Variants in CNTN5 observed in about 807,000 individuals in gnomAD.
CNTN5 encodes contactin-5.
In CNTN5, 77 loss-of-function variants were observed where a neutral mutation model predicts 129.1. That is an observed-to-expected ratio of 0.60 (90% CI 0.50 to 0.72). CNTN5 has a LOEUF of 0.72. Among genes scored for constraint, CNTN5 ranks in the 30% least tolerant of loss-of-function variants. The pLI is 0.00. For missense variants in CNTN5, 1,478 were observed against 1,328.8 expected (o/e 1.11, Z -1.75); for synonymous variants, 509 against 465.6 (o/e 1.09, Z -1.20).
At chr11:99,799,605 T>A (rs1946052405) in intron 3 of CNTN5, among the ~76,000 whole-genome samples, 1 of 151,658 alleles carries the variant, frequency 6.6e-6, no homozygotes, top group South Asian at 2.1e-4. Context: ...TACTTGATCA[T>A]GAAGAATTAA....
intron 1 of CNTN5, among the ~76,000 whole-genome samples, chr11:99,055,397 T>C (rs536059216): frequency 6.6e-5 from 10 of 152,088 alleles, no homozygotes; most frequent in Non-Finnish European, 1.2e-4. Flanking sequence ...ATTTCTCTAA[T>C]GTCAATGACC....
chr11:99,862,993 A>T (rs2135776974), intron 6 of CNTN5, among the ~76,000 whole-genome samples: 1 of 152,244 alleles, frequency 6.6e-6, no homozygotes, highest in Admixed American at 6.5e-5. Context: ...AAGTATAAAT[A>T]GCAATCTAGG....
At chr11:99,493,374 C>T (rs894390456) in intron 2 of CNTN5, among the ~76,000 whole-genome samples, 1 of 152,174 alleles carries the variant, frequency 6.6e-6, no homozygotes, top group Non-Finnish European at 1.5e-5. Flanking sequence ...GGGCTCATTT[C>T]ATGCACCCAA....
At chr11:99,883,271 G>GT (rs1243875764) in intron 6 of CNTN5, among the ~76,000 whole-genome samples, 1 of 152,032 alleles carries the variant, frequency 6.6e-6, no homozygotes, top group Non-Finnish European at 1.5e-5. Context: ...TCAGTTTTTA[G>GT]TTTTTTTGAG....
chr11:99,255,814 ACG>A (rs1862351355), intron 1 of CNTN5, among the ~76,000 whole-genome samples: 1 of 151,326 alleles, frequency 6.6e-6, no homozygotes, highest in Non-Finnish European at 1.5e-5. Flanking sequence ...ACACACACAC[ACG>A]CACACGCACA....
At chr11:99,710,566 CATGTGTGT>C (rs1354028627) in intron 3 of CNTN5, among the ~76,000 whole-genome samples, 4 of 78,126 alleles carry the variant, frequency 5.1e-5, no homozygotes, top group African/African-American at 9.4e-5. Context: ...TGTGTGTGTG[CATGTGTGT>C]GTGTGTGTGT....
At chr11:99,212,973 C>T (rs1433672938) in intron 1 of CNTN5, among the ~76,000 whole-genome samples, 1 of 151,710 alleles carries the variant, frequency 6.6e-6, no homozygotes, top group Non-Finnish European at 1.5e-5. Flanking sequence ...GGGTGGATCA[C>T]GAAGTCAGGA....
At position 99,213,284 on chromosome 11, in the gene CNTN5, A is replaced by AAT. The variant is rs543676415; in HGVS notation, c.-209-112054_-209-112053dup. 5.3e-4 allele frequency among the ~76,000 whole-genome samples: 78 copies of AAT among 145,982 alleles called. No homozygotes were observed. In the East Asian group the frequency reaches 0.013, roughly 23 times the overall value. ...ATATATATAAAATATATATACATAT[A>AAT]ATATATATAACATATATAATATATA... On this transcript the variant is annotated intron_variant, in intron 1 of 24. Coordinates refer to ENST00000524871, the MANE Select transcript of CNTN5 (RefSeq NM_014361.4).
At chr11:100,050,682 C>A in intron 9 of CNTN5, among the ~76,000 whole-genome samples, 1 of 151,384 alleles carries the variant, frequency 6.6e-6, no homozygotes. Flanking sequence ...ATACTATCTG[C>A]AAGAAAGCAA....
intron 1 of CNTN5, among the ~76,000 whole-genome samples, chr11:99,268,420 A>G (rs1286792496): frequency 6.6e-6 from 1 of 151,710 alleles, no homozygotes; most frequent in Non-Finnish European, 1.5e-5. Flanking sequence ...TAGTAAAGTA[A>G]TAATTATAAT....
At chr11:100,023,678 C>T (rs958352965) in intron 9 of CNTN5, among the ~76,000 whole-genome samples, 1 of 152,178 alleles carries the variant, frequency 6.6e-6, no homozygotes, top group Non-Finnish European at 1.5e-5. Context: ...TCTGTTATCC[C>T]TAACCTCTGG....
chr11:100,219,190 A>G (rs961303411), intron 15 of CNTN5, among the ~76,000 whole-genome samples: 3 of 152,192 alleles, frequency 2.0e-5, no homozygotes, highest in South Asian at 2.1e-4. Context: ...CTCCCTGCCA[A>G]TGTGTCTTCT....
At position 100,257,499 on chromosome 11, in the gene CNTN5, C is replaced by T. The variant is rs950641312; in HGVS notation, c.2164+1581C>T. ...CCCATGCCTCCTGACTGGGACACAA[C>T]TCCCAGCAGGGAGTTGTCACCGACA... On this transcript the variant is annotated intron_variant, in intron 17 of 24. Transcript: ENST00000524871. Among the ~76,000 whole-genome samples, 7 of 152,188 alleles carry T rather than the reference C, an allele frequency of 4.6e-5. No individual in the cohort carries two copies. In the East Asian group the frequency reaches 1.2e-3, roughly 25 times the overall value.
At chr11:99,364,640 G>A (rs545173013) in intron 2 of CNTN5, among the ~76,000 whole-genome samples, 5 of 152,098 alleles carry the variant, frequency 3.3e-5, no homozygotes, top group African/African-American at 4.8e-5. Flanking sequence ...ATAAAGGTTC[G>A]TGAAAAAATT....
At chr11:99,909,484 A>T (rs190996896) in intron 6 of CNTN5, among the ~76,000 whole-genome samples, 1,681 of 152,134 alleles carry the variant, frequency 0.011, 32 homozygotes, top group African/African-American at 0.038. Flanking sequence ...GGATTATAAA[A>T]CATGCTGCTC....
intron 16 of CNTN5, among the ~76,000 whole-genome samples, chr11:100,253,006 G>A (rs752134020): frequency 2.8e-4 from 42 of 152,122 alleles, no homozygotes; most frequent in Non-Finnish European, 5.0e-4. Context: ...TGACTCCACC[G>A]TTCAATGGCA....
At chr11:100,115,115 T>TAAAAAAAAAAAAA (rs11388029) in intron 13 of CNTN5, among the ~76,000 whole-genome samples, 169 of 78,052 alleles carry the variant, frequency 2.2e-3, no homozygotes, top group South Asian at 3.4e-3. Flanking sequence ...AGGTATACAG[T>TAAAAAAAAAAAAA]AAAAAAAAAA....
At chr11:100,259,869 A>C (rs1950160182) in intron 17 of CNTN5, among the ~76,000 whole-genome samples, 2 of 152,068 alleles carry the variant, frequency 1.3e-5, no homozygotes, top group Admixed American at 1.3e-4. Flanking sequence ...AACACCATAA[A>C]ATCACAATTA....
chr11:100,042,638 C>G (rs1178242861), intron 9 of CNTN5, among the ~76,000 whole-genome samples: 1 of 152,168 alleles, frequency 6.6e-6, no homozygotes, highest in African/African-American at 2.4e-5. Context: ...TTAAAAAATA[C>G]CTTTAATGAC....
Sources: gnomAD v4.1 joint callset for allele counts (sites outside exome capture counted in the v4.1 genomes callset) on GRCh38, gnomAD v4.1.1 for gene constraint, MANE v1.5 for transcripts, NCBI Gene and HGNC (gene_info 2026-07-23, HGNC 2026-07-21) for gene names.